The following CFAP47 variants were observed in gnomAD, a reference collection of about 807,000 sequenced individuals.
The protein encoded by CFAP47 is cilia- and flagella-associated protein 47.
CFAP47 carries 29 observed loss-of-function variants against 148.1 expected under a neutral mutation model. The observed-to-expected ratio is 0.20, with a 90% CI of 0.15 to 0.27. The LOEUF (loss-of-function observed/expected upper bound fraction) is 0.27, where lower values mean the gene tolerates loss of function less well. Among genes scored for constraint, CFAP47 ranks in the 10% least tolerant of loss-of-function variants. CFAP47 has a pLI of 1.00. For synonymous variants in CFAP47, 664 were observed against 577.3 expected (o/e 1.15, Z -2.15); for missense variants, 1,872 against 1,697.5 (o/e 1.10, Z -1.81).
intron 29 of CFAP47, among the ~76,000 whole-genome samples, chrX:36,076,373 C>G (rs1395327467): frequency 1.1e-5 from 1 of 89,868 alleles, no homozygotes; most frequent in African/African-American, 4.2e-5. Flanking sequence ...TAAACATTCA[C>G]TTTTCTCTGC....
At chrX:36,144,944 G>A in intron 35 of CFAP47, 2 of 764,184 alleles carry the variant, frequency 2.6e-6, no homozygotes, top group Non-Finnish European at 3.5e-6. Context: ...CCTGAGCCAT[G>A]CTTCTGGCTT....
chrX:36,280,353 A>G, intron 49 of CFAP47, 134 bp from the exon 50 acceptor site: 1 of 303,726 alleles, frequency 3.3e-6, no homozygotes, highest in South Asian at 1.2e-4. Context: ...TAATTCTAAC[A>G]CTGACATCTA....
rs1192514172 is a variant in CFAP47 at position 36,000,304 on chromosome X, G to A, written c.3199G>A (p.Ala1067Thr). 8 of 291,535 alleles carry A rather than the reference G, an allele frequency of 2.7e-5. No individual in the cohort carries two copies. Among genetic ancestry groups the A allele is most frequent in the Non-Finnish European group, 3.6e-5 (6 of 168,001 alleles). 24.0% of individuals were successfully genotyped at this position (291,535 alleles called of 1,213,427 possible). A position where few individuals can be genotyped will look rare whatever the true frequency, so the allele number is the denominator to read the frequency against. ...TTAGGATGTATTTAATTTCAGTGGC[G>A]CCTATATTGGTGGTACCCAGATTAT... ...INPDVFNFSG[A>T]YIGGTQIIPF... is the part of the protein sequence containing the mutation. Residue 1067 changes from alanine to threonine, a missense_variant, in exon 20 of 64, where the codon GCC becomes ACC. Coordinates refer to ENST00000378653, the MANE Select transcript of CFAP47 (RefSeq NM_001304548.2).
At chrX:36,293,882 G>A (rs189244904) in intron 51 of CFAP47, among the ~76,000 whole-genome samples, 210 of 111,323 alleles carry the variant, frequency 1.9e-3, no homozygotes, top group Middle Eastern at 4.6e-3. Context: ...CCTGGCTCTT[G>A]GTGAGTTCCT....
intron 55 of CFAP47, among the ~76,000 whole-genome samples, chrX:36,309,053 G>A (rs1266555046): frequency 9.0e-6 from 1 of 111,491 alleles, no homozygotes; most frequent in Non-Finnish European, 1.9e-5. Context: ...AACAGAATAA[G>A]AGGAGCAGTA....
intron 26 of CFAP47, among the ~76,000 whole-genome samples, chrX:36,058,836 T>C (rs1937573435): frequency 8.9e-6 from 1 of 112,138 alleles, no homozygotes; most frequent in Admixed American, 9.5e-5. Flanking sequence ...GCTAACTTCC[T>C]AATTTCCTAT....
intron 16 of CFAP47, chrX:35,990,253 G>A (rs1160825942): frequency 9.0e-6 from 1 of 111,277 alleles, no homozygotes; most frequent in Non-Finnish European, 1.9e-5. Context: ...TAATTATAGA[G>A]TATATTAAAA....
Position 35,994,414 on chromosome X carries a change from C to T in CFAP47, c.3099+1093C>T, listed in dbSNP as rs767398899. 3.6e-5 allele frequency among the ~76,000 whole-genome samples: 4 copies of T among 111,726 alleles called. No homozygotes were observed. In the South Asian group the frequency reaches 1.5e-3, roughly 41 times the overall value. On this transcript the variant is annotated intron_variant, in intron 18 of 63. Coordinates refer to ENST00000378653, the MANE Select transcript of CFAP47 (RefSeq NM_001304548.2). ...TCTTATGATCAACTGTTTGTATTTA[C>T]TCACATTAAAAATAATATATACACT... is the stretch of plus-strand genomic sequence containing the variant.
chrX:36,130,791 G>A (rs1453224831), intron 33 of CFAP47, among the ~76,000 whole-genome samples: 2 of 110,917 alleles, frequency 1.8e-5, no homozygotes, highest in Non-Finnish European at 3.8e-5. Flanking sequence ...GAATGGAACT[G>A]GAAATCATTA....
At chrX:36,068,450 T>C (rs999238047) in intron 27 of CFAP47, among the ~76,000 whole-genome samples, 1 of 112,150 alleles carries the variant, frequency 8.9e-6, no homozygotes, top group Non-Finnish European at 1.9e-5. Context: ...TATTCAGTAT[T>C]GTAAAATGGA....
rs377270477 is a variant in CFAP47 at position 36,033,367 on chromosome X, A to T, written c.3651+2020A>T. 8.0e-5 allele frequency among the ~76,000 whole-genome samples: 9 copies of T among 111,929 alleles called. 1 individual carries two copies. The East Asian group carries it at 2.2e-3, about 28-fold the overall frequency. ...TGCATACATATATCATTTTGACAAA[A>T]ATATAAAGAAAAAATAACACTAAAC... On this transcript the variant is annotated intron_variant, in intron 23 of 63. Transcript: ENST00000378653.
At chrX:36,248,850 G>A (rs781871797) in intron 48 of CFAP47, among the ~76,000 whole-genome samples, 4 of 110,373 alleles carry the variant, frequency 3.6e-5, no homozygotes, top group African/African-American at 1.3e-4. Flanking sequence ...TGACAACCAC[G>A]GAATTAAATT....
intron 59 of CFAP47, among the ~76,000 whole-genome samples, chrX:36,352,203 C>T (rs782188601): frequency 2.9e-4 from 32 of 111,034 alleles, no homozygotes; most frequent in South Asian, 7.5e-4. Context: ...AGGACACAAC[C>T]AGTGACATGA....
chrX:36,000,443 A>G lies in CFAP47; in HGVS notation c.3322+16A>G. On this transcript the variant is annotated intron_variant, in intron 20 of 63. Coordinates refer to ENST00000378653, the MANE Select transcript of CFAP47 (RefSeq NM_001304548.2). Reference sequence around the variant, plus strand: ...GACAAATCAGGTATATATTTTGTATATAATGGTATTACTGTAAAAGGAAAA... The same window carrying G: ...GACAAATCAGGTATATATTTTGTATGTAATGGTATTACTGTAAAAGGAAAA... 1.7e-5 allele frequency: 5 copies of G among 290,835 alleles called. No individual in the cohort carries two copies. Among genetic ancestry groups the G allele is most frequent in the Non-Finnish European group, 1.2e-5 (2 of 165,964 alleles). The allele number at this position is 290,835 out of a possible 1,213,427, so 24.0% of individuals were successfully genotyped here. A position where few individuals can be genotyped will look rare whatever the true frequency, so the allele number is the denominator to read the frequency against.
At chrX:36,078,496 G>A (rs926510480) in intron 29 of CFAP47, among the ~76,000 whole-genome samples, 7 of 109,599 alleles carry the variant, frequency 6.4e-5, no homozygotes, top group African/African-American at 2.4e-4. Flanking sequence ...TTGGTTTAAA[G>A]TCTGTTTTAT....
At chrX:35,963,824 A>T (rs1273572538) in intron 8 of CFAP47, among the ~76,000 whole-genome samples, 1 of 111,516 alleles carries the variant, frequency 9.0e-6, no homozygotes, top group Non-Finnish European at 1.9e-5. Context: ...ATGTCAACTT[A>T]ATTTGTATAG....
At position 36,156,130 on chromosome X, in the gene CFAP47, A is replaced by G. The variant is rs781098010; in HGVS notation, c.5787-3296A>G. Among the ~76,000 whole-genome samples the G allele has an allele frequency of 3.5e-4, 39 of 111,054 alleles. No homozygotes were observed. In the South Asian group the frequency reaches 6.4e-3, roughly 18 times the overall value. ...AATAAAATTATTTTAGGTAGCTGTT[A>G]TTTTAGGTGGCTCTCTTTAGTTAGG... On this transcript the variant is annotated intron_variant, in intron 37 of 63. Transcript: ENST00000378653.
intron 42 of CFAP47, among the ~76,000 whole-genome samples, chrX:36,192,965 T>G (rs1332599649): frequency 8.9e-6 from 1 of 111,930 alleles, no homozygotes; most frequent in Non-Finnish European, 1.9e-5. Flanking sequence ...TGCAAGGCTT[T>G]CTTGTTGATT....
intron 30 of CFAP47, among the ~76,000 whole-genome samples, chrX:36,098,266 T>C (rs1219078771): frequency 8.9e-6 from 1 of 112,161 alleles, no homozygotes; most frequent in African/African-American, 3.2e-5. Context: ...TTGAATTCTC[T>C]CTCTGAAAGG....
Sources: allele counts gnomAD v4.1 joint callset (sites outside exome capture counted in the v4.1 genomes callset), GRCh38; gene constraint gnomAD v4.1.1; transcripts MANE v1.5; gene names NCBI Gene and HGNC (gene_info 2026-07-23, HGNC 2026-07-21).